The following IL7 variants were observed in gnomAD, a reference collection of about 807,000 sequenced individuals.
IL7 encodes interleukin 7, also known as interleukin-7.
A neutral mutation model predicts 21.6 loss-of-function variants in IL7; 3 were observed. That is an observed-to-expected ratio of 0.14 (90% CI 0.06 to 0.36). IL7 has a LOEUF of 0.36. Ranked by LOEUF, IL7 falls within the 10% of genes least tolerant of loss-of-function variation. The pLI, the probability that IL7 is intolerant of heterozygous loss-of-function variation, is 1.00. For synonymous variants in IL7, 62 were observed against 68.1 expected (o/e 0.91, Z 0.44); for missense variants, 175 against 200.2 (o/e 0.87, Z 0.76).
chr8:78,761,596 A>G, intron 2 of IL7: 6 of 1,611,890 alleles, frequency 3.7e-6, no homozygotes, highest in Non-Finnish European at 5.1e-6. Context: ...TCACCAACAC[A>G]GGTAGGTGCT....
rs959636075 is a variant in IL7, at chr8:78,738,390, A to G, written c.360+114T>C. Reference sequence around the variant, plus strand: ...TTGAGTAAACATACTTCAACTTTAGATGATAATAAACACTTAGGATTCTAT... The same window carrying G: ...TTGAGTAAACATACTTCAACTTTAGGTGATAATAAACACTTAGGATTCTAT... On this transcript the variant is annotated intron_variant, in intron 4 of 5. Coordinates refer to ENST00000263851, the MANE Select transcript of IL7 (RefSeq NM_000880.4). 5 of 856,650 alleles carry G rather than the reference A, an allele frequency of 5.8e-6. No homozygotes were observed. The African/African-American group carries it at 8.7e-5, about 15-fold the overall frequency. The allele number at this position is 856,650 out of a possible 1,614,324, so 53.1% of individuals were successfully genotyped here. A position where few individuals can be genotyped will look rare whatever the true frequency, so the allele number is the denominator to read the frequency against.
intron 3 of IL7, among the ~76,000 whole-genome samples, chr8:78,688,544 C>T (rs1810101296): frequency 6.6e-6 from 1 of 152,088 alleles, no homozygotes. Context: ...CATTTATTCC[C>T]AGTGTCTCAT....
chr8:78,698,282 A>G (rs1443099174), intron 3 of IL7: 5 of 700,844 alleles, frequency 7.1e-6, no homozygotes, highest in Non-Finnish European at 1.1e-5. Context: ...TGCCATTTAA[A>G]AAATGTCTTC....
intron 3 of IL7, chr8:78,723,672 T>A (rs1414557824): frequency 1.2e-5 from 2 of 164,084 alleles, no homozygotes; most frequent in Admixed American, 1.3e-4. Context: ...CCAAGAAAAA[T>A]TTCATTCTGA....
intron 2 of IL7, among the ~76,000 whole-genome samples, chr8:78,790,804 T>A (rs1236062426): frequency 6.6e-6 from 1 of 151,508 alleles, no homozygotes; most frequent in African/African-American, 2.4e-5. Context: ...TAAAAGAAAA[T>A]TTAAAAGATA....
At chr8:78,728,589 C>T (rs1811372591), downstream of IL7, among the ~76,000 whole-genome samples, 1 of 152,044 alleles carries the variant, frequency 6.6e-6, no homozygotes, top group South Asian at 2.1e-4. Flanking sequence ...AAACTTGATA[C>T]ACATTTTATG....
At chr8:78,706,466 G>C (rs1471402321) in intron 3 of IL7, among the ~76,000 whole-genome samples, 2 of 152,132 alleles carry the variant, frequency 1.3e-5, no homozygotes, top group Admixed American at 1.3e-4. Context: ...CTTCACAAGG[G>C]CGTCTCTTGA....
intron 2 of IL7, among the ~76,000 whole-genome samples, chr8:78,793,090 A>T (rs1813746217): frequency 6.6e-6 from 1 of 152,158 alleles, no homozygotes; most frequent in Non-Finnish European, 1.5e-5. Context: ...GATTAATTTT[A>T]AAAACATTAT....
chr8:78,696,677 A>G lies in IL7; in HGVS notation n.215-10730T>C, dbSNP rs755658828. ...ATCTTAGGTCAATGCATACTCCATT[A>G]ATTTAAGATGGTCTGGTGAGGATCG... On this transcript the variant is annotated intron_variant and non_coding_transcript_variant, in intron 3 of 4. Transcript: ENST00000523959. Among the ~76,000 whole-genome samples the G allele has an allele frequency of 1.9e-4, 29 of 152,220 alleles. 1 individual carries two copies. Among genetic ancestry groups the G allele is most frequent in the South Asian group, 2.1e-4 (1 of 4,828 alleles).
chr8:78,687,519 TATA>T (rs1445612450), intron 3 of IL7, among the ~76,000 whole-genome samples: 1 of 144,058 alleles, frequency 6.9e-6, no homozygotes, highest in Non-Finnish European at 1.5e-5. Context: ...TATATATTTA[TATA>T]ATAAATTATA....
chr8:78,763,564 T>A (rs2130769267), intron 2 of IL7, among the ~76,000 whole-genome samples: 1 of 152,234 alleles, frequency 6.6e-6, no homozygotes, highest in African/African-American at 2.4e-5. Flanking sequence ...ATCCACAAAT[T>A]TGATAACCTA....
Position 78,788,610 on chromosome 8 carries a change from T to C in IL7, c.147+9462A>G, listed in dbSNP as rs190944606. 3.7e-4 allele frequency among the ~76,000 whole-genome samples: 57 copies of C among 152,284 alleles called. 1 individual carries two copies. In the East Asian group the frequency reaches 0.01, roughly 27 times the overall value. On this transcript the variant is annotated intron_variant, in intron 2 of 5. Transcript: ENST00000263851. ...CATGTTGTGCATGACTTGTACTTTA[T>C]AAAAATTTGTTAAGGTGTGTTTTAC...
intron 5 of IL7, among the ~76,000 whole-genome samples, chr8:78,736,047 A>G (rs1811581761): frequency 6.6e-6 from 1 of 151,020 alleles, no homozygotes; most frequent in Non-Finnish European, 1.5e-5. Flanking sequence ...ATACTGTACA[A>G]TCTACACTAA....
intron 4 of IL7, among the ~76,000 whole-genome samples, chr8:78,684,278 A>T (rs1325639080): frequency 6.6e-6 from 1 of 152,236 alleles, no homozygotes; most frequent in Non-Finnish European, 1.5e-5. Flanking sequence ...ACTCAGTTTC[A>T]CGTGTCTGGG....
chr8:78,775,999 A>T (rs1329872167), intron 2 of IL7, among the ~76,000 whole-genome samples: 2 of 152,054 alleles, frequency 1.3e-5, no homozygotes, highest in African/African-American at 4.8e-5. Flanking sequence ...GCCTGAGACC[A>T]TACATGGTAC....
chr8:78,704,214 T>G (rs1298793992), intron 3 of IL7, among the ~76,000 whole-genome samples: 1 of 151,718 alleles, frequency 6.6e-6, no homozygotes, highest in Non-Finnish European at 1.5e-5. Context: ...AAAGCCTGTC[T>G]CTATTTAAAA....
chr8:78,677,377 G>A (rs968301453), intron 4 of IL7, among the ~76,000 whole-genome samples: 4 of 151,844 alleles, frequency 2.6e-5, no homozygotes, highest in African/African-American at 7.3e-5. Flanking sequence ...CTGAATAGTA[G>A]TAGAACACTA....
At chr8:78,696,529 A>G (rs1418782585) in intron 3 of IL7, among the ~76,000 whole-genome samples, 4 of 152,198 alleles carry the variant, frequency 2.6e-5, no homozygotes, top group African/African-American at 9.7e-5. Context: ...GGTGATCAGT[A>G]AGATACTTTT....
chr8:78,781,834 C>T (rs1813341708), intron 2 of IL7, among the ~76,000 whole-genome samples: 1 of 152,156 alleles, frequency 6.6e-6, no homozygotes, highest in Non-Finnish European at 1.5e-5. Context: ...GTTCAATTCT[C>T]CCCATCTCTT....
Sources: allele counts gnomAD v4.1 joint callset (sites outside exome capture counted in the v4.1 genomes callset), GRCh38; gene constraint gnomAD v4.1.1; transcripts MANE v1.5; gene names NCBI Gene and HGNC (gene_info 2026-07-23, HGNC 2026-07-21).